Variants in CGB1 observed in about 807,000 individuals in gnomAD.
The protein encoded by CGB1 is choriogonadotropin subunit beta variant 1.
CGB1 carries 4 observed loss-of-function variants against 7.0 expected under a neutral mutation model. The observed-to-expected ratio is 0.57, with a 90% CI of 0.28 to 1.31. The LOEUF (loss-of-function observed/expected upper bound fraction) is 1.31. CGB1 is among the 50% of genes most tolerant of loss of function. The pLI, the probability that CGB1 is intolerant of heterozygous loss-of-function variation, is 0.10. For missense variants in CGB1, 139 were observed against 219.1 expected (o/e 0.63, Z 2.31); for synonymous variants, 72 against 96.4 (o/e 0.75, Z 1.48).
intron 1 of CGB1, 77 bp downstream of exon 1, chr19:49,036,626 G>A: frequency 4.3e-6 from 7 of 1,613,972 alleles, no homozygotes; most frequent in Non-Finnish European, 5.9e-6. Flanking sequence ...GGAAGGAGGT[G>A]GAAGGTGCCC....
chr19:49,036,583 C>T (rs935448906), intron 1 of CGB1, 120 bp downstream of exon 1: 4 of 1,613,676 alleles, frequency 2.5e-6, no homozygotes, highest in South Asian at 1.1e-5. Context: ...ACAGCTCACA[C>T]GGGTCTGCCC....
chr19:49,036,792 A>T lies in CGB1; in HGVS notation c.-81T>A, dbSNP rs1057060606. 11 of 1,604,048 alleles carry T rather than the reference A, an allele frequency of 6.9e-6. No individual in the cohort carries two copies. The Admixed American group carries it at 1.3e-4, about 19-fold the overall frequency. On this transcript the variant is annotated 5_prime_UTR_variant, in exon 1 of 3. Transcript: ENST00000301407. ...TAAATTGAGTCTCCGTGGGGGAGTG[A>T]GACAGGGAGTGAGGGGTGTTGGACG...
rs755936073 is a variant in CGB1, at chr19:49,035,648, G to A, written c.430C>T (p.Pro144Ser). The A allele has an allele frequency of 1.9e-6, 3 of 1,611,240 alleles. No individual in the cohort carries two copies. The highest frequency in any genetic ancestry group is 2.2e-5 in the South Asian group (2 of 90,980). ...AGACGGGATGGACTTGGAAGGCTGG[G>A]GGGAGGGGCCTTTGAGGAAGAGGAG... The part of the protein sequence containing the change: ...QDSSSSKAPP[P>S]SLPSPSRLPG... Residue 144 changes from proline to serine, a missense_variant, in exon 3 of 3, where the codon CCC becomes TCC. By Grantham distance (74) the Pro-to-Ser change is moderately conservative. This residue lies in a region of CGB1 where 44 missense variants were observed against 35.0 expected (regional missense o/e 1.26). Coordinates refer to ENST00000301407, the MANE Select transcript of CGB1 (RefSeq NM_033377.2).
chr19:49,036,703 C>T lies in CGB1; in HGVS notation c.9G>A (p.Lys3=). ...GCCCGGAAATGTGGATCTACCCTAC[C>T]TTTGACATGTCTCTCTCTTAGCGGG... is the stretch of plus-strand genomic sequence containing the variant. The part of the protein sequence containing the change: MS[K]RLLLLLLLSM... Residue 3 remains lysine, a splice_region_variant and synonymous_variant, in exon 1 of 3, where the codon AAG becomes AAA. Transcript: ENST00000301407. 6.2e-7 allele frequency: 1 copy of T among 1,613,956 alleles called. No homozygotes were observed. Among genetic ancestry groups the T allele is most frequent in the African/African-American group, 1.3e-5 (1 of 75,046 alleles).
intron 1 of CGB1, 26 bp from the exon 2 acceptor site, chr19:49,036,329 G>A (rs117503795): frequency 0.041 from 65,987 of 1,596,456 alleles, 1,800 homozygotes; most frequent in Admixed American, 0.078. Context: ...TGCTTCACCC[G>A]GGTCTGAGAC....
chr19:49,036,324 C>T lies in CGB1; in HGVS notation c.10-21G>A, dbSNP rs199827963. ...AGCCTCTGGGGCAAGGACACTGCTT[C>T]ACCCGGGTCTGAGACTGCAGCCCCC... On this transcript the variant is annotated intron_variant, in intron 1 of 2. Transcript: ENST00000301407. 2.3e-4 allele frequency: 361 copies of T among 1,603,912 alleles called. 1 individual carries two copies. The highest frequency in any genetic ancestry group is 2.6e-4 in the Non-Finnish European group (310 of 1,179,766).
chr19:49,036,431 C>A (rs1260145895), intron 1 of CGB1, 128 bp from the exon 2 acceptor site: 2 of 1,578,848 alleles, frequency 1.3e-6, no homozygotes, highest in Admixed American at 1.8e-5. Flanking sequence ...TCAGGACCCA[C>A]CACCCGGACA....
chr19:49,036,522 C>G (rs2039821078), intron 1 of CGB1, 181 bp downstream of exon 1: 2 of 1,597,910 alleles, frequency 1.3e-6, no homozygotes, highest in Non-Finnish European at 1.7e-6. Flanking sequence ...AGGAACTGAC[C>G]CACCTGAAGC....
At position 49,036,358 on chromosome 19, in the gene CGB1, C is replaced by A. The variant is rs1246705350; in HGVS notation, c.10-55G>T. 206 of 1,602,110 alleles carry A rather than the reference C, an allele frequency of 1.3e-4. 3 individuals carry two copies. The South Asian group carries it at 2.1e-3, about 16-fold the overall frequency. ...CTGAGACTGCAGCCCCCAGTCCTGGCCTTCCCATCCCGCATGGTACACCAC... is the reference window on the plus strand; with the variant it reads ...CTGAGACTGCAGCCCCCAGTCCTGGACTTCCCATCCCGCATGGTACACCAC... On this transcript the variant is annotated intron_variant, in intron 1 of 2. Transcript: ENST00000301407.
In CGB1 at chr19:49,035,609, C is replaced by G. The variant is rs1285587786; in HGVS notation, c.*1G>C. Reference sequence around the variant, plus strand: ...CTTTATTGTGGGAGGATCGGGGTGTCCTAGGGCCCCGGGAGACGGGATGGA... The same window carrying G: ...CTTTATTGTGGGAGGATCGGGGTGTGCTAGGGCCCCGGGAGACGGGATGGA... On this transcript the variant is annotated 3_prime_UTR_variant, in exon 3 of 3. Coordinates refer to ENST00000301407, the MANE Select transcript of CGB1 (RefSeq NM_033377.2). 4 of 1,611,734 alleles carry G rather than the reference C, an allele frequency of 2.5e-6. No individual in the cohort carries two copies. Among genetic ancestry groups the G allele is most frequent in the Non-Finnish European group, 3.4e-6 (4 of 1,179,898 alleles).
Position 49,036,887 on chromosome 19 carries a change from T to G in CGB1, c.-176A>C, listed in dbSNP as rs1262313547. 1.2e-6 allele frequency: 1 copy of G among 860,574 alleles called. No individual in the cohort carries two copies. Among genetic ancestry groups the G allele is most frequent in the Non-Finnish European group, 1.8e-6 (1 of 541,912 alleles). The allele number at this position is 860,574 out of a possible 1,614,324, so 53.3% of individuals were successfully genotyped here. On this transcript the variant is annotated 5_prime_UTR_variant, in exon 1 of 3. Coordinates refer to ENST00000301407, the MANE Select transcript of CGB1 (RefSeq NM_033377.2). ...CTCTCTCAGATGCAGTTCCCCTTCC[T>G]CCCTCCAGGGGGCGCCACGGAACGC... is the stretch of plus-strand genomic sequence containing the variant.
Position 49,035,619 on chromosome 19 carries a change from C to G in CGB1, c.459G>C (p.Pro153=), listed in dbSNP as rs748079220. 4.3e-6 allele frequency: 7 copies of G among 1,611,336 alleles called. No homozygotes were observed. In the Admixed American group the frequency reaches 6.7e-5, roughly 15 times the overall value. The stretch of plus-strand genomic sequence containing the variant: ...GGAGGATCGGGGTGTCCTAGGGCCC[C>G]GGGAGACGGGATGGACTTGGAAGGC... ...PPSLPSPSRL[P]GP Residue 153 remains proline, a synonymous_variant, in exon 3 of 3, where the codon CCG becomes CCC. Transcript: ENST00000301407.
Position 49,036,737 on chromosome 19 carries a change from C to A in CGB1, c.-26G>T, listed in dbSNP as rs762625218. 6.2e-7 allele frequency: 1 copy of A among 1,613,826 alleles called. No individual in the cohort carries two copies. Among genetic ancestry groups the A allele is most frequent in the East Asian group, 2.2e-5 (1 of 44,872 alleles). ...GTCTCTCTCTTAGCGGGATATCTTC[C>A]GCAAGCACTGGGAATGTGGACATGG... On this transcript the variant is annotated 5_prime_UTR_variant, in exon 1 of 3. Coordinates refer to ENST00000301407, the MANE Select transcript of CGB1 (RefSeq NM_033377.2).
chr19:49,036,758 C>G lies in CGB1; in HGVS notation c.-47G>C. Reference sequence around the variant, plus strand: ...CTTCCGCAAGCACTGGGAATGTGGACATGGAAAGTAAATTGAGTCTCCGTG... The same window carrying G: ...CTTCCGCAAGCACTGGGAATGTGGAGATGGAAAGTAAATTGAGTCTCCGTG... On this transcript the variant is annotated 5_prime_UTR_variant, in exon 1 of 3. An upstream start codon of the reference 5' UTR is lost. Coordinates refer to ENST00000301407, the MANE Select transcript of CGB1 (RefSeq NM_033377.2). 1.2e-6 allele frequency: 2 copies of G among 1,613,434 alleles called. No homozygotes were observed. The highest frequency in any genetic ancestry group is 2.2e-5 in the East Asian group (1 of 44,864).
At position 49,035,668 on chromosome 19, in the gene CGB1, G is replaced by A. The variant is rs2039805212; in HGVS notation, c.410C>T (p.Ser137Phe). Residue 137 changes from serine to phenylalanine, a missense_variant, in exon 3 of 3, where the codon TCT (serine) becomes TTT (phenylalanine). This residue lies in a region of CGB1 where 44 missense variants were observed against 35.0 expected (regional missense o/e 1.26). Coordinates refer to ENST00000301407, the MANE Select transcript of CGB1 (RefSeq NM_033377.2). ...TCDDPRFQDS[S>F]SSKAPPPSLP... Reference sequence around the variant, plus strand: ...GCTGGGGGGAGGGGCCTTTGAGGAAGAGGAGTCCTGGAAGCGGGGGTCATC... The same window carrying A: ...GCTGGGGGGAGGGGCCTTTGAGGAAAAGGAGTCCTGGAAGCGGGGGTCATC... 6.2e-7 allele frequency: 1 copy of A among 1,610,726 alleles called. No individual in the cohort carries two copies. Among genetic ancestry groups the A allele is most frequent in the African/African-American group, 1.4e-5 (1 of 73,938 alleles).
chr19:49,036,791 G>C lies in CGB1; in HGVS notation c.-80C>G. The C allele has an allele frequency of 6.2e-7, 1 of 1,603,792 alleles. No individual in the cohort carries two copies. ...GTAAATTGAGTCTCCGTGGGGGAGT[G>C]AGACAGGGAGTGAGGGGTGTTGGAC... On this transcript the variant is annotated 5_prime_UTR_variant, in exon 1 of 3. Coordinates refer to ENST00000301407, the MANE Select transcript of CGB1 (RefSeq NM_033377.2).
chr19:49,035,678 G>C lies in CGB1; in HGVS notation c.400C>G (p.Gln134Glu), dbSNP rs1016217801. 1.9e-6 allele frequency: 3 copies of C among 1,610,456 alleles called. No homozygotes were observed. Among genetic ancestry groups the C allele is most frequent in the Non-Finnish European group, 2.5e-6 (3 of 1,179,704 alleles). Residue 134 changes from glutamine (Q) to glutamate (E), a missense_variant, in exon 3 of 3, where the codon CAG (glutamine) becomes GAG (glutamate). Around this residue, in one of 4 missense-constraint regions of CGB1, gnomAD observed 44 missense variants for 35.0 expected, o/e 1.26. Transcript: ENST00000301407. ...GGGGCCTTTGAGGAAGAGGAGTCCT[G>C]GAAGCGGGGGTCATCACAGGTCAAG... is the stretch of plus-strand genomic sequence containing the variant. ...HPLTCDDPRF[Q>E]DSSSSKAPPP...
intron 1 of CGB1, 159 bp downstream of exon 1, chr19:49,036,544 C>G (rs2039821405): frequency 1.9e-6 from 3 of 1,607,830 alleles, no homozygotes; most frequent in Non-Finnish European, 2.5e-6. Context: ...TACTGGGGGT[C>G]ACGCTCCTCC....
chr19:49,036,028 C>T, intron 2 of CGB1, 108 bp downstream of exon 2: 2 of 1,491,720 alleles, frequency 1.3e-6, no homozygotes, highest in Non-Finnish European at 1.8e-6. Flanking sequence ...CCTCCCACAC[C>T]CCATTCCGCA....
Sources: gnomAD v4.1 joint callset for allele counts on GRCh38, gnomAD v4.1.1 for gene constraint, gnomAD v4.1.1 regional missense constraint, MANE v1.5 for transcripts, NCBI Gene and HGNC (gene_info 2026-07-23, HGNC 2026-07-21) for gene names.